Variants in LRRC18 observed in about 807,000 individuals in gnomAD.
The protein encoded by LRRC18 is leucine rich repeat containing 18, also known as leucine-rich repeat-containing protein 18.
LRRC18 carries 12 observed loss-of-function variants against 11.2 expected under a neutral mutation model. That is an observed-to-expected ratio of 1.07 (90% CI 0.69 to 1.74). The LOEUF (loss-of-function observed/expected upper bound fraction) is 1.74. Among genes scored for constraint, LRRC18 ranks in the 40% most tolerant of loss-of-function variants. LRRC18 has a pLI of 0.00. For synonymous variants in LRRC18, 155 were observed against 130.6 expected (o/e 1.19, Z -1.27); for missense variants, 374 against 330.5 (o/e 1.13, Z -1.02).
chr10:48,923,496 G>A, the LRRC18 span, among the ~76,000 whole-genome samples: 1 of 63,214 alleles, frequency 1.6e-5, no homozygotes, highest in Non-Finnish European at 4.2e-5. Flanking sequence ...ATAGTTTTTA[G>A]TATATATATA....
At chr10:48,935,144 T>C in the LRRC18 span, 1 of 152,188 alleles carries the variant, frequency 6.6e-6, no homozygotes, top group Admixed American at 6.5e-5. Context: ...AGTAAATCGA[T>C]AAGCGCAGGG....
upstream of LRRC18, among the ~76,000 whole-genome samples, chr10:48,914,718 C>T (rs1838345761): frequency 6.6e-6 from 1 of 152,162 alleles, no homozygotes. Context: ...TCTCACATCC[C>T]TCTTCCCCTC....
chr10:48,921,880 G>A, the LRRC18 span, among the ~76,000 whole-genome samples: 1 of 152,028 alleles, frequency 6.6e-6, no homozygotes, highest in African/African-American at 2.4e-5. Flanking sequence ...AATGCAAAAT[G>A]GTATAGTCTC....
rs11595341 is a variant in LRRC18 at position 48,910,986 on chromosome 10, G to T, written c.765-728C>A. 1.1e-5 allele frequency: 9 copies of T among 824,008 alleles called. No homozygotes were observed. The African/African-American group carries it at 1.5e-4, about 14-fold the overall frequency. 51.0% of individuals were successfully genotyped at this position (824,008 alleles called of 1,614,324 possible). ...ATTCTAAAGAAAAAGTGTCTGAAGGGGGAGAAATTGAAATGGAAAGTCATC... is the reference window on the plus strand; with the variant it reads ...ATTCTAAAGAAAAAGTGTCTGAAGGTGGAGAAATTGAAATGGAAAGTCATC... On this transcript the variant is annotated intron_variant, in intron 1 of 1. Transcript: ENST00000374160.
At chr10:48,931,737 A>T in the LRRC18 span, among the ~76,000 whole-genome samples, 1 of 152,238 alleles carries the variant, frequency 6.6e-6, no homozygotes, top group African/African-American at 2.4e-5. Context: ...AACTTTTCCT[A>T]AATTCAGATT....
chr10:48,913,392 C>T (rs750584707), exon 1 of LRRC18: 9 of 1,609,684 alleles, frequency 5.6e-6, no homozygotes, highest in Non-Finnish European at 5.9e-6. Context: ...TCCAAGTCAC[C>T]TCCAGTCTTC....
upstream of LRRC18, among the ~76,000 whole-genome samples, chr10:48,914,688 G>A (rs950324897): frequency 6.6e-6 from 1 of 152,166 alleles, no homozygotes; most frequent in African/African-American, 2.4e-5. Context: ...TAGAGAATAA[G>A]GTGGGTACTA....
chr10:48,937,750 G>A, the LRRC18 span, among the ~76,000 whole-genome samples: 3 of 152,232 alleles, frequency 2.0e-5, no homozygotes, highest in Non-Finnish European at 4.4e-5. Flanking sequence ...TCATCCAGCA[G>A]GGTGTCTCTG....
chr10:48,922,796 A>C, the LRRC18 span, among the ~76,000 whole-genome samples: 1 of 152,334 alleles, frequency 6.6e-6, no homozygotes, highest in African/African-American at 2.4e-5. Flanking sequence ...AAACGTCTAC[A>C]TGAATGGAAT....
At chr10:48,926,155 TC>T in the LRRC18 span, among the ~76,000 whole-genome samples, 40 of 152,098 alleles carry the variant, frequency 2.6e-4, no homozygotes, top group Admixed American at 7.9e-4. Flanking sequence ...CCCCACTGCC[TC>T]CCGGGAGAGG....
At chr10:48,932,403 T>G in the LRRC18 span, 5 of 152,160 alleles carry the variant, frequency 3.3e-5, no homozygotes, top group Non-Finnish European at 7.3e-5. Context: ...CACTGACAAA[T>G]TATTAATACT....
At chr10:48,928,053 C>A in the LRRC18 span, among the ~76,000 whole-genome samples, 3 of 152,210 alleles carry the variant, frequency 2.0e-5, no homozygotes, top group African/African-American at 7.2e-5. Context: ...GATTCCATTC[C>A]ACCCAATGTG....
At chr10:48,914,336 G>A (rs1396015151), upstream of LRRC18, 2 of 672,344 alleles carry the variant, frequency 3.0e-6, no homozygotes, top group Non-Finnish European at 4.9e-6. Flanking sequence ...GCAAGAAAGA[G>A]GATTGCGGAG....
At chr10:48,918,942 A>G (rs538044980), upstream of LRRC18, among the ~76,000 whole-genome samples, 1 of 152,354 alleles carries the variant, frequency 6.6e-6, no homozygotes, top group East Asian at 1.9e-4. Context: ...AACTGCTAGT[A>G]TAGAATAACT....
At chr10:48,920,122 A>G in the LRRC18 span, among the ~76,000 whole-genome samples, 1 of 133,316 alleles carries the variant, frequency 7.5e-6, no homozygotes, top group Non-Finnish European at 1.8e-5. Context: ...CAGACTAAAA[A>G]GAAAAAAAAA....
chr10:48,913,498 T>C, exon 1 of LRRC18: 1 of 1,613,934 alleles, frequency 6.2e-7, no homozygotes, highest in Non-Finnish European at 8.5e-7. Context: ...CTATTCAGGT[T>C]GTCCCGGGCG....
At chr10:48,910,370 G>A in intron 1 of LRRC18, 112 bp from the exon 4 acceptor site, 1 of 910,906 alleles carries the variant, frequency 1.1e-6, no homozygotes, top group Non-Finnish European at 1.8e-6. Flanking sequence ...CTTCAGGATG[G>A]TCAGGTTAGT....
exon 1 of LRRC18, chr10:48,913,785 C>A (rs536518606): frequency 6.2e-7 from 1 of 1,613,868 alleles, no homozygotes; most frequent in Non-Finnish European, 8.5e-7. Context: ...GTTCACAGCG[C>A]GGATGTTCTT....
upstream of LRRC18, among the ~76,000 whole-genome samples, chr10:48,917,767 AGAG>A (rs1838685420): frequency 1.3e-5 from 2 of 152,238 alleles, no homozygotes; most frequent in Admixed American, 1.3e-4. Flanking sequence ...AAACTATACT[AGAG>A]AGGAACTCCA....
Sources: allele counts gnomAD v4.1 joint callset (sites outside exome capture counted in the v4.1 genomes callset), GRCh38; gene constraint gnomAD v4.1.1; transcripts MANE v1.5; gene names NCBI Gene and HGNC (gene_info 2026-07-23, HGNC 2026-07-21).